The following SIL1 variants were observed in gnomAD, a reference collection of about 807,000 sequenced individuals.
SIL1 encodes SIL1 nucleotide exchange factor, also known as nucleotide exchange factor SIL1.
A neutral mutation model predicts 49.1 loss-of-function variants in SIL1; 40 were observed. The ratio of observed to expected loss-of-function variants is 0.81; its 90% CI spans 0.63 to 1.06. The LOEUF is 1.06. Among genes scored for constraint, SIL1 ranks in the 50% least tolerant of loss-of-function variants. The pLI is 0.00. For synonymous variants in SIL1, 253 were observed against 250.8 expected, an observed-to-expected ratio of 1.01 and a Z score of -0.08; for missense variants, 500 against 572.6, an observed-to-expected ratio of 0.87 and a Z score of 1.29.
intron 3 of SIL1, among the ~76,000 whole-genome samples, chr5:139,062,235 T>C (rs1769606760): frequency 6.6e-6 from 1 of 152,172 alleles, no homozygotes; most frequent in African/African-American, 2.4e-5. Context: ...GAACCAAAAA[T>C]GGAGACCTTT....
chr5:139,137,528 T>A (rs1750998831), intron 1 of SIL1: 2 of 521,350 alleles, frequency 3.8e-6, no homozygotes, highest in Non-Finnish European at 3.4e-6. Context: ...AAATTTTTTT[T>A]TTAATTTTAT....
chr5:139,097,765 C>T (rs767492649), intron 3 of SIL1, among the ~76,000 whole-genome samples: 2 of 152,070 alleles, frequency 1.3e-5, no homozygotes, highest in African/African-American at 2.4e-5. Flanking sequence ...AGAGAGCCAC[C>T]GTGCCCAGCC....
intron 3 of SIL1, among the ~76,000 whole-genome samples, chr5:139,072,267 AAAAT>A (rs1296221969): frequency 6.6e-6 from 1 of 152,234 alleles, no homozygotes; most frequent in Non-Finnish European, 1.5e-5. Context: ...TCTAAAATGA[AAAAT>A]AACTCAGAAT....
chr5:139,034,050 T>C (rs1329427016), intron 5 of SIL1, among the ~76,000 whole-genome samples: 2 of 152,202 alleles, frequency 1.3e-5, no homozygotes, highest in South Asian at 4.1e-4. Flanking sequence ...TTTAATGGAC[T>C]GGCCCTTTTA....
At chr5:139,145,906 TA>T (rs920417087) in intron 1 of SIL1, among the ~76,000 whole-genome samples, 47 of 141,530 alleles carry the variant, frequency 3.3e-4, no homozygotes, top group South Asian at 4.5e-4. Context: ...AAAAAATAAA[TA>T]AAAAAAAAAA....
At chr5:139,181,961 C>T (rs1367522129) in intron 1 of SIL1, among the ~76,000 whole-genome samples, 1 of 152,162 alleles carries the variant, frequency 6.6e-6, no homozygotes, top group Non-Finnish European at 1.5e-5. Flanking sequence ...TTGTTTTCTA[C>T]ACTGTAATAC....
intron 7 of SIL1, among the ~76,000 whole-genome samples, chr5:139,018,653 C>T (rs1768452265): frequency 7.1e-6 from 1 of 140,550 alleles, no homozygotes; most frequent in Non-Finnish European, 1.5e-5. Context: ...AGCGACTTAA[C>T]AGAAGAGAAA....
intron 3 of SIL1, among the ~76,000 whole-genome samples, chr5:139,053,613 T>C (rs1769340073): frequency 6.6e-6 from 1 of 152,208 alleles, no homozygotes; most frequent in Non-Finnish European, 1.5e-5. Context: ...CTCTCCAGCC[T>C]TGTCCACTCC....
intron 4 of SIL1, among the ~76,000 whole-genome samples, chr5:139,046,879 T>C (rs1769178252): frequency 6.6e-6 from 1 of 152,244 alleles, no homozygotes; most frequent in Admixed American, 6.5e-5. Flanking sequence ...AATACTTTCA[T>C]GTTTTAGAAC....
intron 7 of SIL1, chr5:139,013,817 C>CA (rs1768338196): frequency 6.6e-6 from 1 of 152,104 alleles, no homozygotes; most frequent in Non-Finnish European, 1.5e-5. Flanking sequence ...ATGTTAATTA[C>CA]AAAAATAATA....
chr5:138,954,754 G>C (rs1766863957), intron 7 of SIL1, among the ~76,000 whole-genome samples: 1 of 152,262 alleles, frequency 6.6e-6, no homozygotes, highest in African/African-American at 2.4e-5. Context: ...AAACAGCTCA[G>C]AGTGAGGCCT....
At chr5:139,042,774 A>G (rs1769075133) in intron 4 of SIL1, 55 bp from the exon 5 acceptor site, 18 of 1,513,244 alleles carry the variant, frequency 1.2e-5, no homozygotes, top group Non-Finnish European at 1.6e-5. Context: ...TTGGTGGCTC[A>G]CAGTTGTAAT....
At chr5:139,172,045 G>C (rs952377352) in intron 1 of SIL1, among the ~76,000 whole-genome samples, 1 of 152,142 alleles carries the variant, frequency 6.6e-6, no homozygotes, top group African/African-American at 2.4e-5. Flanking sequence ...CTGGACAATG[G>C]AAATTATCAA....
chr5:139,065,004 A>G (rs1375012170), intron 3 of SIL1, among the ~76,000 whole-genome samples: 1 of 152,194 alleles, frequency 6.6e-6, no homozygotes, highest in Non-Finnish European at 1.5e-5. Context: ...CAGCTATGAG[A>G]AAAAGACCAG....
At chr5:139,054,860 C>A (rs964406648) in intron 3 of SIL1, among the ~76,000 whole-genome samples, 1 of 152,096 alleles carries the variant, frequency 6.6e-6, no homozygotes, top group Non-Finnish European at 1.5e-5. Context: ...ATACTAAACA[C>A]GTCATGGCAG....
intron 1 of SIL1, among the ~76,000 whole-genome samples, chr5:139,165,254 T>A (rs1359260893): frequency 1.3e-5 from 2 of 152,202 alleles, no homozygotes; most frequent in Non-Finnish European, 2.9e-5. Flanking sequence ...TCAGATAAAC[T>A]CAACCGTCAG....
chr5:139,027,562 T>A (rs1768687521), intron 5 of SIL1, among the ~76,000 whole-genome samples: 1 of 152,218 alleles, frequency 6.6e-6, no homozygotes, highest in African/African-American at 2.4e-5. Context: ...GTTCAACTGT[T>A]TGAAATGGCT....
intron 1 of SIL1, among the ~76,000 whole-genome samples, chr5:139,181,354 G>C (rs780322057): frequency 6.6e-6 from 1 of 152,118 alleles, no homozygotes; most frequent in African/African-American, 2.4e-5. Context: ...TGCTCTCCCA[G>C]GGATTTGGGG....
chr5:139,074,891 T>A lies in SIL1; in HGVS notation c.245-23845A>T, dbSNP rs115967670. On this transcript the variant is annotated intron_variant, in intron 3 of 9. Coordinates refer to ENST00000394817, the MANE Select transcript of SIL1 (RefSeq NM_022464.5). Reference sequence around the variant, plus strand: ...CCCAGGCTGCAGTGCAATGGCACAATCTTGGCTCACTGCACCTCCGCCTCC... The same window carrying A: ...CCCAGGCTGCAGTGCAATGGCACAAACTTGGCTCACTGCACCTCCGCCTCC... 7.2e-3 allele frequency among the ~76,000 whole-genome samples: 1,091 copies of A among 152,304 alleles called. 6 individuals carry two copies. The highest frequency in any genetic ancestry group is 0.012 in the Non-Finnish European group (790 of 68,028).
Sources: gnomAD v4.1 joint callset for allele counts (sites outside exome capture counted in the v4.1 genomes callset) on GRCh38, gnomAD v4.1.1 for gene constraint, MANE v1.5 for transcripts, NCBI Gene and HGNC (gene_info 2026-07-23, HGNC 2026-07-21) for gene names.